PSME3: variants seen among roughly 807,000 people sequenced by gnomAD.
PSME3 encodes proteasome activator complex subunit 3.
In PSME3, 7 loss-of-function variants were observed where a neutral mutation model predicts 38.3. That is an observed-to-expected ratio of 0.18 (90% CI 0.10 to 0.34). The LOEUF is 0.34. Ranked by LOEUF, PSME3 falls within the 10% of genes least tolerant of loss-of-function variation. PSME3 has a pLI of 1.00. For synonymous variants in PSME3, 108 were observed against 105.7 expected (o/e 1.02, Z -0.13); for missense variants, 192 against 307.6 (o/e 0.62, Z 2.81).
Position 42,833,414 on chromosome 17 carries a change from C to G in PSME3, c.-218C>G. ...GCTGTGACGCAGTTTCCGGCGTGAG[C>G]GGCGAAAGCCGGGAGGGCGAGCGAG... On this transcript the variant is annotated 5_prime_UTR_variant, in exon 1 of 11. Transcript: ENST00000590720. The G allele has an allele frequency of 1.7e-6, 1 of 603,216 alleles. No homozygotes were observed. The highest frequency in any genetic ancestry group is 2.0e-5 in the South Asian group (1 of 50,548). The allele number at this position is 603,216 out of a possible 1,614,324, so 37.4% of individuals were successfully genotyped here.
intron 6 of PSME3, 106 bp from the exon 7 acceptor site, chr17:42,838,625 G>T: frequency 9.1e-7 from 1 of 1,093,084 alleles, no homozygotes; most frequent in South Asian, 1.3e-5. Flanking sequence ...GCCAGACTAG[G>T]TATTTTGACT....
At chr17:42,841,334 G>C (rs1191543539) in intron 10 of PSME3, among the ~76,000 whole-genome samples, 164 bp from the exon 11 acceptor site, 1 of 152,070 alleles carries the variant, frequency 6.6e-6, no homozygotes, top group Non-Finnish European at 1.5e-5. Flanking sequence ...CTTACCTGCT[G>C]TACTTTAATT....
At chr17:42,834,276 A>G (rs759491158) in intron 1 of PSME3, 68 bp from the exon 2 acceptor site, 1 of 1,611,022 alleles carries the variant, frequency 6.2e-7, no homozygotes, top group Non-Finnish European at 8.5e-7. Context: ...AGACAGTTGG[A>G]TTGGGATTCT....
chr17:42,837,637 T>G lies in PSME3; in HGVS notation c.244-12T>G. 1 of 1,614,040 alleles carries G rather than the reference T, an allele frequency of 6.2e-7. No individual in the cohort carries two copies. Among genetic ancestry groups the G allele is most frequent in the Non-Finnish European group, 8.5e-7 (1 of 1,179,910 alleles). ...CAAAACTAGGCTCATCCCTGCCTCT[T>G]TGTATCCTTAGCCCACTTATAAGAA... On this transcript the variant is annotated splice_polypyrimidine_tract_variant and intron_variant, in intron 4 of 10. Coordinates refer to ENST00000590720, the MANE Select transcript of PSME3 (RefSeq NM_005789.4).
Position 42,834,776 on chromosome 17 carries a change from C to G in PSME3, c.143C>G (p.Pro48Arg). The change falls in exon 4 of 11, where the codon CCA becomes CGA. Residue 48 changes from proline to arginine, a missense_variant. By Grantham distance (103) the Pro-to-Arg change is moderately radical (BLOSUM62 -2). Transcript: ENST00000590720. ...LLELDSFLKE[P>R]ILNIHDLTQI... ...TTTGGGGTGGGTGTCTTTCAGGAAC[C>G]AATCTTAAACATCCATGACCTAACT... The G allele has an allele frequency of 6.2e-7, 1 of 1,613,912 alleles. No individual in the cohort carries two copies. Among genetic ancestry groups the G allele is most frequent in the East Asian group, 2.2e-5 (1 of 44,874 alleles).
chr17:42,838,238 C>G, intron 6 of PSME3, 33 bp downstream of exon 6: 1 of 1,612,312 alleles, frequency 6.2e-7, no homozygotes, highest in East Asian at 2.2e-5. Context: ...ATGGGCCGGC[C>G]CCAAGTACCC....
intron 1 of PSME3, chr17:42,833,947 C>T (rs1163104598): frequency 2.1e-6 from 3 of 1,439,752 alleles, no homozygotes; most frequent in African/African-American, 1.4e-5. Context: ...CTGGTAATCC[C>T]CCAGCCCAAC....
rs146455016 is a variant in PSME3 at position 42,835,447 on chromosome 17, C to T, written c.243+571C>T. On this transcript the variant is annotated intron_variant, in intron 4 of 10. Transcript: ENST00000590720. ...CAAATAAAAGAGAACTAGCTTAGGC[C>T]AGGCACCTTGGCTCACGCCTGTAAT... is the stretch of plus-strand genomic sequence containing the variant. 2.3e-3 allele frequency among the ~76,000 whole-genome samples: 348 copies of T among 152,210 alleles called. 1 individual carries two copies. The highest frequency in any genetic ancestry group is 0.01 in the Middle Eastern group (3 of 294).
At chr17:42,839,071 A>G in intron 8 of PSME3, 41 bp from the exon 9 acceptor site, 4 of 1,594,824 alleles carry the variant, frequency 2.5e-6, no homozygotes, top group Non-Finnish European at 3.4e-6. Context: ...GGGCACCATC[A>G]AGGGTCTCCT....
intron 4 of PSME3, among the ~76,000 whole-genome samples, chr17:42,835,465 C>T (rs547020186): frequency 2.0e-5 from 3 of 152,282 alleles, no homozygotes; most frequent in Non-Finnish European, 4.4e-5. Context: ...TTGGCTCACG[C>T]CTGTAATCCC....
In PSME3 at chr17:42,842,385, G is replaced by A. The variant is rs1239723975; in HGVS notation, c.*807G>A. The A allele has an allele frequency of 6.5e-6, 1 of 152,810 alleles. No individual in the cohort carries two copies. Among genetic ancestry groups the A allele is most frequent in the Non-Finnish European group, 1.5e-5 (1 of 68,078 alleles). The allele number at this position is 152,810 out of a possible 1,614,324, so 9.5% of individuals were successfully genotyped here. On this transcript the variant is annotated 3_prime_UTR_variant, in exon 11 of 11. Coordinates refer to ENST00000590720, the MANE Select transcript of PSME3 (RefSeq NM_005789.4). ...GCCCGTCCTCCCTCCTGATACTGTA[G>A]CCTCTTGGTACCCAGGGTGAGTTGG... is the stretch of plus-strand genomic sequence containing the variant.
At chr17:42,834,462 G>T (rs2055437831) in intron 2 of PSME3, 53 bp from the exon 3 acceptor site, 1 of 1,607,808 alleles carries the variant, frequency 6.2e-7, no homozygotes. Flanking sequence ...GAGAGAGAGA[G>T]AGAGAGACCT....
rs2055540963 is a variant in PSME3, at chr17:42,842,046, G to A, written c.*468G>A. Reference sequence around the variant, plus strand: ...CATGAGGTTACTGTTTCTTTCCTCTGTGGGGCATTGGATCCTCCCACAGTT... The same window carrying A: ...CATGAGGTTACTGTTTCTTTCCTCTATGGGGCATTGGATCCTCCCACAGTT... On this transcript the variant is annotated 3_prime_UTR_variant, in exon 11 of 11. Coordinates refer to ENST00000590720, the MANE Select transcript of PSME3 (RefSeq NM_005789.4). The A allele has an allele frequency of 6.5e-6, 1 of 153,090 alleles. No individual in the cohort carries two copies. Among genetic ancestry groups the A allele is most frequent in the African/African-American group, 2.4e-5 (1 of 41,440 alleles). 9.5% of individuals were successfully genotyped at this position (153,090 alleles called of 1,614,324 possible). A position where few individuals can be genotyped will look rare whatever the true frequency, so the allele number is the denominator to read the frequency against.
chr17:42,837,544 A>G (rs2055478019), intron 4 of PSME3, 105 bp from the exon 5 acceptor site: 10 of 1,181,080 alleles, frequency 8.5e-6, no homozygotes, highest in Admixed American at 3.5e-5. Flanking sequence ...AATTAATAAC[A>G]TAAGCTATGA....
chr17:42,840,728 C>G (rs1277218463), intron 10 of PSME3, among the ~76,000 whole-genome samples: 1 of 152,176 alleles, frequency 6.6e-6, no homozygotes, highest in African/African-American at 2.4e-5. Flanking sequence ...GTGCACAATA[C>G]ATGTTAGTTG....
In PSME3 at chr17:42,841,655, T is replaced by G. The variant is rs1260345523; in HGVS notation, c.*77T>G. On this transcript the variant is annotated 3_prime_UTR_variant, in exon 11 of 11. Transcript: ENST00000590720. ...GCCTTGGTTTGTTACATGACTATCG[T>G]GATGGGGAAACTGGCTGGAAATAGT... is the stretch of plus-strand genomic sequence containing the variant. 1.0e-6 allele frequency: 1 copy of G among 989,336 alleles called. No homozygotes were observed. Among genetic ancestry groups the G allele is most frequent in the Non-Finnish European group, 1.5e-6 (1 of 676,874 alleles). 61.3% of individuals were successfully genotyped at this position (989,336 alleles called of 1,614,324 possible). A position where few individuals can be genotyped will look rare whatever the true frequency, so the allele number is the denominator to read the frequency against.
At position 42,833,479 on chromosome 17, in the gene PSME3, G is replaced by A. The variant is rs1274316551; in HGVS notation, c.-153G>A. The A allele has an allele frequency of 1.0e-5, 9 of 873,238 alleles. No homozygotes were observed. The highest frequency in any genetic ancestry group is 1.7e-5 in the South Asian group (1 of 59,018). The allele number at this position is 873,238 out of a possible 1,614,324, so 54.1% of individuals were successfully genotyped here. On this transcript the variant is annotated 5_prime_UTR_variant, in exon 1 of 11. Coordinates refer to ENST00000590720, the MANE Select transcript of PSME3 (RefSeq NM_005789.4). ...GCAGGCTGCCGGCGGGCGGGCGGAC[G>A]GCACAGAGGGAGGGAGCGAGCGAGC...
intron 1 of PSME3, chr17:42,834,125 G>A: frequency 1.4e-6 from 2 of 1,460,006 alleles, no homozygotes; most frequent in Non-Finnish European, 1.8e-6. Context: ...AGGGAGGGAA[G>A]GGGGAGGACA....
intron 1 of PSME3, chr17:42,833,906 T>C: frequency 6.9e-7 from 1 of 1,452,360 alleles, no homozygotes; most frequent in Non-Finnish European, 9.0e-7. Context: ...CGCGGACACG[T>C]GTTGGACTCA....
Sources: gnomAD v4.1 joint callset for allele counts (sites outside exome capture counted in the v4.1 genomes callset) on GRCh38, gnomAD v4.1.1 for gene constraint, MANE v1.5 for transcripts, NCBI Gene and HGNC (gene_info 2026-07-23, HGNC 2026-07-21) for gene names.